Variants in PHACTR2 observed in about 807,000 individuals in gnomAD.
The protein encoded by PHACTR2 is chromosome 6 open reading frame 56.
Under a neutral mutation model 76.0 loss-of-function variants are expected in PHACTR2, and 30 were observed. The ratio of observed to expected loss-of-function variants is 0.39; its 90% CI spans 0.30 to 0.54. The LOEUF (loss-of-function observed/expected upper bound fraction) is 0.54, where lower values mean the gene tolerates loss of function less well. PHACTR2 is among the 20% of genes least tolerant of loss of function. The probability of loss-of-function intolerance (pLI) is 0.61; values close to 1 mark genes in which losing one functional copy is unlikely to be tolerated. For missense variants in PHACTR2, 696 were observed against 781.1 expected (o/e 0.89, Z 1.30); for synonymous variants, 292 against 292.5 (o/e 1.00, Z 0.02).
At chr6:143,749,697 T>G (rs1444586954) in intron 3 of PHACTR2, among the ~76,000 whole-genome samples, 1 of 152,182 alleles carries the variant, frequency 6.6e-6, no homozygotes, top group Non-Finnish European at 1.5e-5. Flanking sequence ...TTTTTTTCTC[T>G]ATCCTCCCGA....
rs1779507511 is a variant in PHACTR2 at position 143,764,402 on chromosome 6, TC to T, written c.695-856del. Among the ~76,000 whole-genome samples, 2 of 151,610 alleles carry T rather than the reference TC, an allele frequency of 1.3e-5. No individual in the cohort carries two copies. Among genetic ancestry groups the T allele is most frequent in the Admixed American group, 1.3e-4 (2 of 15,192 alleles). On this transcript the variant is annotated intron_variant, in intron 5 of 12. Coordinates refer to ENST00000440869, the MANE Select transcript of PHACTR2 (RefSeq NM_001100164.2). This position sits in a 1 kb window ranked among gnomAD's most constrained non-coding sequence, Gnocchi z 4.7. The stretch of plus-strand genomic sequence containing the variant: ...CAGGCATGGTGGTACACACCTGTAG[TC>T]CCAGCTACTCAGGAGGCTAAGGCAG...
chr6:143,796,987 C>G (rs369262607), intron 11 of PHACTR2, among the ~76,000 whole-genome samples: 3 of 152,220 alleles, frequency 2.0e-5, no homozygotes, highest in African/African-American at 7.2e-5. Context: ...AATCGCCACA[C>G]TGTCTTCCAA....
chr6:143,737,892 G>A (rs537249599), intron 2 of PHACTR2, among the ~76,000 whole-genome samples: 1 of 152,280 alleles, frequency 6.6e-6, no homozygotes, highest in South Asian at 2.1e-4. Flanking sequence ...AAGATGGTAG[G>A]TAGTGGACAG....
At chr6:143,542,501 T>C (rs1781180591) in intron 1 of PHACTR2, among the ~76,000 whole-genome samples, 1 of 152,170 alleles carries the variant, frequency 6.6e-6, no homozygotes, top group Non-Finnish European at 1.5e-5. Context: ...AACCAATTCC[T>C]CTTTCTCTAG....
At chr6:143,661,698 G>T (rs1349808362) in intron 1 of PHACTR2, among the ~76,000 whole-genome samples, 1 of 151,638 alleles carries the variant, frequency 6.6e-6, no homozygotes, top group African/African-American at 2.4e-5. Flanking sequence ...TGGGACTACA[G>T]ACATGCACCA....
At chr6:143,651,314 A>G (rs1421993662) in intron 1 of PHACTR2, among the ~76,000 whole-genome samples, 1 of 152,220 alleles carries the variant, frequency 6.6e-6, no homozygotes, top group East Asian at 1.9e-4. Context: ...CAGAAATACC[A>G]TTCGACCCAA....
In PHACTR2 at chr6:143,537,804, A is replaced by G. The variant is rs1781132277; in HGVS notation, c.217+597A>G. On this transcript the variant is annotated intron_variant, in intron 1 of 11. Transcript: ENST00000367584. The surrounding 1 kb of genome is among the most constrained non-coding windows in gnomAD (Gnocchi z 4.4). ...GGCTGTTTGTGCCTCTCATCCTTTA[A>G]CATGTTTTGAAAAAGCCTCGGCCAG... 6.6e-6 allele frequency among the ~76,000 whole-genome samples: 1 copy of G among 152,006 alleles called. No individual in the cohort carries two copies. Among genetic ancestry groups the G allele is most frequent in the African/African-American group, 2.4e-5 (1 of 41,378 alleles).
intron 1 of PHACTR2, among the ~76,000 whole-genome samples, chr6:143,629,137 C>G (rs924100979): frequency 1.3e-5 from 2 of 151,278 alleles, no homozygotes; most frequent in African/African-American, 2.4e-5. Flanking sequence ...TTAAAGATGT[C>G]CATAGAAATA....
chr6:143,701,255 CTT>C (rs1328447378), intron 1 of PHACTR2, among the ~76,000 whole-genome samples: 2 of 152,244 alleles, frequency 1.3e-5, no homozygotes, highest in East Asian at 3.9e-4. Flanking sequence ...AGATGGAAGT[CTT>C]TAGTAGCTTT....
intron 1 of PHACTR2, among the ~76,000 whole-genome samples, chr6:143,707,797 G>T (rs958747582): frequency 6.6e-6 from 1 of 152,140 alleles, no homozygotes; most frequent in Non-Finnish European, 1.5e-5. Flanking sequence ...GGTTTAATTG[G>T]CTCATAGTTC....
At chr6:143,651,491 C>T (rs191122584) in intron 1 of PHACTR2, among the ~76,000 whole-genome samples, 27 of 152,108 alleles carry the variant, frequency 1.8e-4, no homozygotes, top group African/African-American at 5.1e-4. Flanking sequence ...ATATATACAC[C>T]GTGGAATACT....
intron 2 of PHACTR2, among the ~76,000 whole-genome samples, chr6:143,741,337 A>G (rs1280810218): frequency 2.1e-5 from 3 of 145,404 alleles, no homozygotes. Flanking sequence ...TACTAAAAAT[A>G]TAAAAATTAG....
intron 3 of PHACTR2, among the ~76,000 whole-genome samples, chr6:143,749,583 T>C (rs1779142203): frequency 6.6e-6 from 1 of 152,182 alleles, no homozygotes; most frequent in Non-Finnish European, 1.5e-5. Flanking sequence ...ACCTGCTTTC[T>C]GCTTTCTCTC....
chr6:143,790,799 G>A (rs915278988), intron 11 of PHACTR2, among the ~76,000 whole-genome samples: 4 of 151,078 alleles, frequency 2.6e-5, no homozygotes, highest in South Asian at 2.1e-4. Flanking sequence ...TCAGCCTCCC[G>A]AGTGGCTGGG....
chr6:143,549,193 C>T lies in PHACTR2; in HGVS notation c.217+11986C>T, dbSNP rs1485324053. On this transcript the variant is annotated intron_variant, in intron 1 of 11. Transcript: ENST00000367584. The surrounding 1 kb of genome is among the most constrained non-coding windows in gnomAD (Gnocchi z 4.2). ...CCTCAGTGGTCATTTAACCAGATCT[C>T]CTCATTCCTTCAGGAAGATTAATAG... Among the ~76,000 whole-genome samples, 3 of 151,984 alleles carry T rather than the reference C, an allele frequency of 2.0e-5. No individual in the cohort carries two copies. Among genetic ancestry groups the T allele is most frequent in the Non-Finnish European group, 4.4e-5 (3 of 67,944 alleles).
intron 11 of PHACTR2, among the ~76,000 whole-genome samples, chr6:143,792,150 T>C (rs952031568): frequency 2.6e-5 from 4 of 152,228 alleles, no homozygotes; most frequent in African/African-American, 9.6e-5. Flanking sequence ...TCACTAGATT[T>C]AACACAAGTG....
intron 1 of PHACTR2, among the ~76,000 whole-genome samples, chr6:143,567,694 CT>C (rs1247822273): frequency 2.6e-5 from 4 of 152,130 alleles, no homozygotes; most frequent in African/African-American, 4.8e-5. Context: ...CCACCGCCCC[CT>C]ATCTTTGATT....
At chr6:143,711,083 TG>T (rs746992893) in intron 1 of PHACTR2, 7 of 516,352 alleles carry the variant, frequency 1.4e-5, no homozygotes, top group Non-Finnish European at 2.3e-5. Flanking sequence ...AAATACCATT[TG>T]ATGAGTTTTG....
intron 10 of PHACTR2, among the ~76,000 whole-genome samples, chr6:143,786,683 G>T (rs1410734702): frequency 6.6e-6 from 1 of 152,196 alleles, no homozygotes; most frequent in African/African-American, 2.4e-5. Context: ...GAGGCAAAAG[G>T]CATTTCTTAC....
Sources: gnomAD v4.1 joint callset for allele counts (sites outside exome capture counted in the v4.1 genomes callset) on GRCh38, gnomAD v4.1.1 for gene constraint, Gnocchi (gnomAD v3.1) non-coding constraint, MANE v1.5 for transcripts, NCBI Gene and HGNC (gene_info 2026-07-23, HGNC 2026-07-21) for gene names.